CDH2: variants seen among roughly 807,000 people sequenced by gnomAD.
CDH2 encodes the protein cadherin-2.
A neutral mutation model predicts 92.0 loss-of-function variants in CDH2; 17 were observed. The ratio of observed to expected loss-of-function variants is 0.18; its 90% CI spans 0.13 to 0.28. The LOEUF (loss-of-function observed/expected upper bound fraction) is 0.28, where lower values mean the gene tolerates loss of function less well. CDH2 is among the 10% of genes least tolerant of loss of function. The pLI, the probability that CDH2 is intolerant of heterozygous loss-of-function variation, is 1.00. For synonymous variants in CDH2, 419 were observed against 415.9 expected (o/e 1.01, Z -0.09); for missense variants, 862 against 1,133.1 (o/e 0.76, Z 3.44).
chr18:27,961,262 G>C (rs2011395935), intron 15 of CDH2, among the ~76,000 whole-genome samples: 1 of 151,090 alleles, frequency 6.6e-6, no homozygotes, highest in African/African-American at 2.4e-5. Flanking sequence ...CTAAGAGCTA[G>C]GTAACATACT....
At chr18:28,077,187 T>A (rs1206439393) in intron 2 of CDH2, among the ~76,000 whole-genome samples, 2 of 152,194 alleles carry the variant, frequency 1.3e-5, no homozygotes, top group Admixed American at 1.3e-4. Flanking sequence ...CTTGCTGTTT[T>A]AAGCCTACTA....
chr18:27,979,659 C>A (rs2011974422), intron 14 of CDH2, among the ~76,000 whole-genome samples: 2 of 152,204 alleles, frequency 1.3e-5, no homozygotes, highest in Non-Finnish European at 2.9e-5. Flanking sequence ...ACGACTTCTA[C>A]ACATGAATCT....
chr18:27,953,668 T>C (rs553945055), intron 15 of CDH2, among the ~76,000 whole-genome samples: 2 of 151,924 alleles, frequency 1.3e-5, no homozygotes, highest in African/African-American at 4.8e-5. Context: ...TCAGAATCAG[T>C]ATGGTGTAGT....
intron 14 of CDH2, among the ~76,000 whole-genome samples, chr18:27,969,556 T>C (rs1434983832): frequency 6.6e-6 from 1 of 152,246 alleles, no homozygotes; most frequent in Non-Finnish European, 1.5e-5. Flanking sequence ...CTTATTCTTT[T>C]AGGAAAATGT....
intron 2 of CDH2, among the ~76,000 whole-genome samples, chr18:28,066,925 A>T (rs1213355790): frequency 4.6e-5 from 7 of 152,184 alleles, no homozygotes. Flanking sequence ...ACCCTAAAAT[A>T]AGAACATATA....
chr18:28,113,829 G>A (rs186977176), intron 2 of CDH2, among the ~76,000 whole-genome samples: 1 of 152,208 alleles, frequency 6.6e-6, no homozygotes, highest in Admixed American at 6.6e-5. Flanking sequence ...AAAAGGCTGA[G>A]TAATTTATAA....
intron 2 of CDH2, among the ~76,000 whole-genome samples, chr18:28,050,930 A>C (rs2014178559): frequency 6.6e-6 from 1 of 152,248 alleles, no homozygotes; most frequent in Non-Finnish European, 1.5e-5. Flanking sequence ...GATAAGGACT[A>C]TACAAAGGAA....
chr18:28,071,346 G>A (rs906525632), intron 2 of CDH2, among the ~76,000 whole-genome samples: 4 of 152,042 alleles, frequency 2.6e-5, no homozygotes, highest in African/African-American at 9.7e-5. Context: ...ATGCAGGTGC[G>A]TACTAGTCAG....
chr18:28,031,187 C>CTGTA (rs1007954588), intron 2 of CDH2, among the ~76,000 whole-genome samples: 2 of 151,788 alleles, frequency 1.3e-5, no homozygotes, highest in Non-Finnish European at 2.9e-5. Context: ...CACCCTCCTC[C>CTGTA]TGTACAACCA....
chr18:28,102,735 C>T (rs2015246828), intron 2 of CDH2, among the ~76,000 whole-genome samples: 1 of 151,896 alleles, frequency 6.6e-6, no homozygotes. Context: ...ATTTACTTGA[C>T]TTATTTGTGG....
chr18:28,049,477 C>G (rs1023550497), intron 2 of CDH2, among the ~76,000 whole-genome samples: 5 of 151,986 alleles, frequency 3.3e-5, no homozygotes, highest in African/African-American at 1.2e-4. Flanking sequence ...AAATTTAGAC[C>G]GAATAAAGCA....
intron 6 of CDH2, among the ~76,000 whole-genome samples, chr18:27,941,251 G>T (rs2143834703): frequency 6.6e-6 from 1 of 152,098 alleles, no homozygotes; most frequent in South Asian, 2.1e-4. Flanking sequence ...TAGCCAGGAT[G>T]GTCTTGATCT....
At chr18:28,059,250 G>A (rs1475654381) in intron 2 of CDH2, among the ~76,000 whole-genome samples, 2 of 152,194 alleles carry the variant, frequency 1.3e-5, no homozygotes, top group Non-Finnish European at 2.9e-5. Flanking sequence ...GGTTAAGACT[G>A]GAAATGTAAA....
chr18:28,157,536 A>G (rs987125520), intron 1 of CDH2, among the ~76,000 whole-genome samples: 2 of 152,158 alleles, frequency 1.3e-5, no homozygotes, highest in South Asian at 4.2e-4. Flanking sequence ...GACACTATTC[A>G]AACCGGCATC....
intron 2 of CDH2, among the ~76,000 whole-genome samples, chr18:28,082,018 T>C (rs1467751409): frequency 6.6e-6 from 1 of 152,170 alleles, no homozygotes; most frequent in Non-Finnish European, 1.5e-5. Context: ...CTTAAGTTCA[T>C]AGCCTTGTAA....
chr18:28,028,281 G>C (rs1319968466), intron 2 of CDH2, among the ~76,000 whole-genome samples: 1 of 152,042 alleles, frequency 6.6e-6, no homozygotes, highest in Non-Finnish European at 1.5e-5. Context: ...AACTTACTAA[G>C]ATACAGGTAG....
At chr18:28,043,761 G>C (rs2144111781) in intron 2 of CDH2, among the ~76,000 whole-genome samples, 1 of 151,430 alleles carries the variant, frequency 6.6e-6, no homozygotes, top group African/African-American at 2.4e-5. Flanking sequence ...GTCAAGAGTT[G>C]AACAAAAGAC....
intron 1 of CDH2, among the ~76,000 whole-genome samples, chr18:28,175,981 G>A (rs900622671): frequency 6.6e-6 from 1 of 152,210 alleles, no homozygotes; most frequent in Admixed American, 6.5e-5. Context: ...GGCTGGTCGG[G>A]AGGAGCCTGG....
At chr18:28,170,315 C>T (rs1302556862) in intron 1 of CDH2, among the ~76,000 whole-genome samples, 1 of 152,086 alleles carries the variant, frequency 6.6e-6, no homozygotes, top group Non-Finnish European at 1.5e-5. Flanking sequence ...GCCTGAAATC[C>T]TCATTTATTT....
Sources: gnomAD v4.1 joint callset for allele counts (sites outside exome capture counted in the v4.1 genomes callset) on GRCh38, gnomAD v4.1.1 for gene constraint, MANE v1.5 for transcripts, NCBI Gene and HGNC (gene_info 2026-07-23, HGNC 2026-07-21) for gene names.